The following TRIM66 variants were observed in gnomAD, a reference collection of about 807,000 sequenced individuals.
TRIM66 encodes tripartite motif containing 66.
TRIM66 carries 99 observed loss-of-function variants against 148.2 expected under a neutral mutation model. The observed-to-expected ratio is 0.67, with a 90% confidence interval of 0.57 to 0.79. The LOEUF (loss-of-function observed/expected upper bound fraction) is 0.79, where lower values mean the gene tolerates loss of function less well. Ranked by LOEUF, TRIM66 falls within the 30% of genes least tolerant of loss-of-function variation. The probability of loss-of-function intolerance (pLI) is 0.00; values close to 1 mark genes in which losing one functional copy is unlikely to be tolerated. For synonymous variants in TRIM66, 616 were observed against 635.9 expected, an observed-to-expected ratio of 0.97 and a Z score of 0.47; for missense variants, 1,666 against 1,697.9, an observed-to-expected ratio of 0.98 and a Z score of 0.33.
Position 8,621,303 on chromosome 11 carries a change from A to G in TRIM66, c.3274T>C (p.Ser1092Pro). 5.8e-6 allele frequency: 9 copies of G among 1,551,498 alleles called. No homozygotes were observed. Among genetic ancestry groups the G allele is most frequent in the Non-Finnish European group, 7.0e-6 (8 of 1,146,906 alleles). Residue 1092 changes from serine to proline, a missense_variant, in exon 20 of 25, where the codon TCT becomes CCT. Physicochemically the swap from Ser to Pro is moderately conservative, Grantham distance 74 (BLOSUM62 -1). This residue lies in a region of TRIM66 where 1,431 missense variants were observed against 1,412.4 expected (regional missense o/e 1.01). Coordinates refer to ENST00000646038, the MANE Select transcript of TRIM66 (RefSeq NM_001388022.1). The stretch of plus-strand genomic sequence containing the variant: ...AGACCTGGGGCCTGGGTGGCCTCAG[A>G]CAGTCTGTCCTGGCTGACCTTGGGG... Reference protein sequence around the residue: ...MSIKVSQDRLSEATQAPGLEG... With the variant: ...MSIKVSQDRLPEATQAPGLEG...
chr11:8,630,914 C>T (rs1592055836), intron 15 of TRIM66, among the ~76,000 whole-genome samples: 2 of 152,168 alleles, frequency 1.3e-5, no homozygotes, highest in South Asian at 4.1e-4. Context: ...TGTGACCCTG[C>T]ACCCATCTAA....
chr11:8,657,559 G>A (rs77250884), intron 6 of TRIM66, among the ~76,000 whole-genome samples: 3,399 of 152,230 alleles, frequency 0.022, 57 homozygotes, highest in Non-Finnish European at 0.036. Context: ...TACCTCTGTA[G>A]CCACAGGTAA....
In TRIM66 at chr11:8,672,209, C is replaced by T. The variant is rs1315811836; in HGVS notation, c.27+39G>A. On this transcript the variant is annotated intron_variant, in intron 5 of 24. Coordinates refer to ENST00000646038, the MANE Select transcript of TRIM66 (RefSeq NM_001388022.1). ...TCAAAAGTCCAGGCCATGTTCCTCT[C>T]CAGAGCTGGAGGCTCATGCCTCAGC... The T allele has an allele frequency of 3.3e-6, 5 of 1,535,994 alleles. No individual in the cohort carries two copies. In the East Asian group the frequency reaches 1.2e-4, roughly 38 times the overall value.
At position 8,648,692 on chromosome 11, in the gene TRIM66, C is replaced by G. The variant is rs1048563592; in HGVS notation, c.593-144G>C. ...GAAGTGTTATAAACAGGAGATGACT[C>G]TCCAGGGGCACAAGGAGGATTTTGG... On this transcript the variant is annotated intron_variant, in intron 8 of 24. Coordinates refer to ENST00000646038, the MANE Select transcript of TRIM66 (RefSeq NM_001388022.1). The G allele has an allele frequency of 2.4e-5, 25 of 1,026,210 alleles. No individual in the cohort carries two copies. In the East Asian group the frequency reaches 4.5e-4, roughly 18 times the overall value. The allele number at this position is 1,026,210 out of a possible 1,614,324, so 63.6% of individuals were successfully genotyped here.
chr11:8,666,341 GAAAAAAAAA>G (rs558326812), intron 6 of TRIM66, among the ~76,000 whole-genome samples: 6 of 23,542 alleles, frequency 2.5e-4, no homozygotes, highest in African/African-American at 3.8e-4. Flanking sequence ...CTCCGCCTCA[GAAAAAAAAA>G]AAAAAAAAAA....
rs1225076510 is a variant in TRIM66, at chr11:8,617,972, C to T, written c.4151G>A (p.Arg1384His). ...ENERAKRMSF[R>H]LANSISQV ...CACCTGAGAGATGCTGTTGGCCAGGCGAAATGACATTCTTTTTGCTCTTTC... is the reference window on the plus strand; with the variant it reads ...CACCTGAGAGATGCTGTTGGCCAGGTGAAATGACATTCTTTTTGCTCTTTC... Residue 1384 changes from arginine to histidine, a missense_variant, in exon 25 of 25, where the codon CGC becomes CAC. Physicochemically the swap from Arg to His is conservative, Grantham distance 29. Coordinates refer to ENST00000646038, the MANE Select transcript of TRIM66 (RefSeq NM_001388022.1). 1.3e-5 allele frequency: 20 copies of T among 1,551,370 alleles called. No homozygotes were observed. The highest frequency in any genetic ancestry group is 1.6e-5 in the Non-Finnish European group (18 of 1,146,920).
In TRIM66 at chr11:8,671,927, T is replaced by C; in HGVS notation, c.199A>G (p.Thr67Ala). The C allele has an allele frequency of 6.5e-7, 1 of 1,536,142 alleles. No homozygotes were observed. Among genetic ancestry groups the C allele is most frequent in the Non-Finnish European group, 8.7e-7 (1 of 1,146,904 alleles). Reference protein sequence around the residue: ...KSGQMEAMVMTCSLCHQDLPG... With the variant: ...KSGQMEAMVMACSLCHQDLPG... ...AGGTCCTGATGGCACAATGAGCAGG[T>C]CATTACCATGGCCTCCATCTGTCCA... Residue 67 changes from threonine (T) to alanine (A), a missense_variant, in exon 6 of 25, where the codon ACC becomes GCC. By Grantham distance (58) the Thr-to-Ala change is moderately conservative. This residue lies in a region of TRIM66 where 1,431 missense variants were observed against 1,412.4 expected (regional missense o/e 1.01). Transcript: ENST00000646038.
At chr11:8,673,040 C>T (rs561777941) in intron 4 of TRIM66, among the ~76,000 whole-genome samples, 9 of 151,134 alleles carry the variant, frequency 6.0e-5, no homozygotes, top group Non-Finnish European at 1.0e-4. Flanking sequence ...CCCAGGTTCA[C>T]GCCATTCTTC....
At chr11:8,650,312 GCAGTGAGC>G (rs2037244842) in intron 7 of TRIM66, among the ~76,000 whole-genome samples, 1 of 152,126 alleles carries the variant, frequency 6.6e-6, no homozygotes, top group Non-Finnish European at 1.5e-5. Context: ...GGTCAAGGCT[GCAGTGAGC>G]CAAGATCGTA....
In TRIM66 at chr11:8,615,703, T is replaced by C. The variant is rs182452408; in HGVS notation, c.*2241A>G. 4 of 152,236 alleles carry C rather than the reference T, an allele frequency of 2.6e-5. No homozygotes were observed. The highest frequency in any genetic ancestry group is 1.9e-4 in the East Asian group (1 of 5,182). 9.4% of individuals were successfully genotyped at this position (152,236 alleles called of 1,614,324 possible). A position where few individuals can be genotyped will look rare whatever the true frequency, so the allele number is the denominator to read the frequency against. On this transcript the variant is annotated 3_prime_UTR_variant, in exon 25 of 25. Transcript: ENST00000646038. ...GATGAGAAGGGAGCATGTGTCTCTC[T>C]AGCACATTACTAAGACCCCCTCTGG... is the stretch of plus-strand genomic sequence containing the variant.
At position 8,640,290 on chromosome 11, in the gene TRIM66, C is replaced by A; in HGVS notation, c.2085G>T (p.Gln695His). Reference sequence around the variant, plus strand: ...CTGGCTGCCTCACGATGTAGTTGATCTGCCCCACAATGGTTTGCTGAAGAT... The same window carrying A: ...CTGGCTGCCTCACGATGTAGTTGATATGCCCCACAATGGTTTGCTGAAGAT... Reference protein sequence around the residue: ...PQHLQQTIVGQINYIVRQPAP... With the variant: ...PQHLQQTIVGHINYIVRQPAP... The change falls in exon 14 of 25, where the codon CAG becomes CAT. Residue 695 changes from glutamine (Q) to histidine (H), a missense_variant. This residue lies in a region of TRIM66 where 1,431 missense variants were observed against 1,412.4 expected (regional missense o/e 1.01). Transcript: ENST00000646038. 1 of 1,551,684 alleles carries A rather than the reference C, an allele frequency of 6.4e-7. No homozygotes were observed. The highest frequency in any genetic ancestry group is 1.2e-5 in the South Asian group (1 of 84,048).
intron 13 of TRIM66, among the ~76,000 whole-genome samples, chr11:8,641,776 C>T (rs112744221): frequency 6.2e-4 from 94 of 152,108 alleles, no homozygotes; most frequent in African/African-American, 2.1e-3. Flanking sequence ...GGTTTAGCAC[C>T]GTCCCTTTGG....
chr11:8,633,133 T>C (rs144204042), intron 15 of TRIM66, among the ~76,000 whole-genome samples: 205 of 152,268 alleles, frequency 1.3e-3, no homozygotes, highest in African/African-American at 4.7e-3. Context: ...CCCAGGCCAG[T>C]GTAGGAAACT....
At chr11:8,628,612 CAAAAAA>C (rs750649249) in intron 15 of TRIM66, among the ~76,000 whole-genome samples, 13 of 80,666 alleles carry the variant, frequency 1.6e-4, no homozygotes, top group African/African-American at 3.2e-4. Context: ...GACCCTGTCT[CAAAAAA>C]AAAAAAAAAA....
At chr11:8,637,082 G>A (rs1319887967) in intron 15 of TRIM66, among the ~76,000 whole-genome samples, 41 of 152,030 alleles carry the variant, frequency 2.7e-4, no homozygotes, top group Non-Finnish European at 1.2e-4. Context: ...TTAAAATAAT[G>A]TCCCCTAAGA....
In TRIM66 at chr11:8,624,382, A is replaced by G. The variant is rs925029485; in HGVS notation, c.2996T>C (p.Leu999Pro). 7.1e-6 allele frequency: 11 copies of G among 1,551,110 alleles called. No homozygotes were observed. Among genetic ancestry groups the G allele is most frequent in the Admixed American group, 3.9e-5 (2 of 50,854 alleles). ...ACCTTTTGGGTTCTGGTACTGCTGC[A>G]GAGCTGTAGACGTGCTGACCACTGG... is the stretch of plus-strand genomic sequence containing the variant. ...LAPVVSTSTA[L>P]QQYQNPKECE... The change falls in exon 17 of 25, where the codon CTG becomes CCG. Residue 999 changes from leucine to proline, a missense_variant. Physicochemically the swap from Leu to Pro is moderately conservative, Grantham distance 98. Around this residue, in one of 3 missense-constraint regions of TRIM66, gnomAD observed 1,431 missense variants for 1,412.4 expected, o/e 1.01. Transcript: ENST00000646038.
At chr11:8,671,499 G>A (rs1432945776) in intron 6 of TRIM66, among the ~76,000 whole-genome samples, 100 of 152,296 alleles carry the variant, frequency 6.6e-4, no homozygotes, top group Non-Finnish European at 2.5e-4. Context: ...CATCCTCTCC[G>A]TCTGGGGAGG....
At chr11:8,681,618 G>A (rs993231875) in intron 1 of TRIM66, among the ~76,000 whole-genome samples, 2 of 151,388 alleles carry the variant, frequency 1.3e-5, no homozygotes, top group African/African-American at 4.8e-5. Context: ...TTGAACACTG[G>A]TTGAAGGAAC....
At chr11:8,671,703 C>A in intron 6 of TRIM66, 83 bp downstream of exon 6, 1 of 682,986 alleles carries the variant, frequency 1.5e-6, no homozygotes, top group South Asian at 1.7e-5. Context: ...CTGATTCTTT[C>A]TACACCCAAA....
Sources: allele counts gnomAD v4.1 joint callset (sites outside exome capture counted in the v4.1 genomes callset), GRCh38; gene constraint gnomAD v4.1.1; regional missense constraint gnomAD v4.1.1; transcripts MANE v1.5; gene names NCBI Gene and HGNC (gene_info 2026-07-23, HGNC 2026-07-21).